The following RAI14 variants were observed in gnomAD, a reference collection of about 807,000 sequenced individuals.
RAI14 encodes the protein retinoic acid induced 14, also known as ankycorbin.
RAI14 carries 45 observed loss-of-function variants against 115.4 expected under a neutral mutation model. That is an observed-to-expected ratio of 0.39 (90% confidence interval 0.31 to 0.50). The LOEUF is 0.50. Ranked by LOEUF, RAI14 falls within the 20% of genes least tolerant of loss-of-function variation. The pLI is 0.85. For missense variants in RAI14, 939 were observed against 1,131.2 expected (o/e 0.83, Z 2.44); for synonymous variants, 371 against 415.4 (o/e 0.89, Z 1.30).
chr5:34,799,948 A>G (rs1056314224), intron 4 of RAI14, among the ~76,000 whole-genome samples: 1 of 152,186 alleles, frequency 6.6e-6, no homozygotes, highest in Non-Finnish European at 1.5e-5. Context: ...CGGCCTCCCA[A>G]AGAGCTGGGA....
At chr5:34,717,690 C>T (rs1396854601) in intron 2 of RAI14, among the ~76,000 whole-genome samples, 1 of 152,110 alleles carries the variant, frequency 6.6e-6, no homozygotes, top group Non-Finnish European at 1.5e-5. Context: ...CACCCATGCC[C>T]GTCTTTTGCT....
At chr5:34,745,429 C>T (rs1268795016) in intron 2 of RAI14, among the ~76,000 whole-genome samples, 1 of 152,112 alleles carries the variant, frequency 6.6e-6, no homozygotes, top group African/African-American at 2.4e-5. Flanking sequence ...AGGATTTTTC[C>T]TTTCTGCCAT....
At position 34,826,380 on chromosome 5, in the gene RAI14, C is replaced by G; in HGVS notation, c.2700C>G (p.Ser900Arg). 1 of 1,614,078 alleles carries G rather than the reference C, an allele frequency of 6.2e-7. No homozygotes were observed. Among genetic ancestry groups the G allele is most frequent in the Non-Finnish European group, 8.5e-7 (1 of 1,179,976 alleles). ...CCAAATTGAAGGAGGCCTTGAACAG[C>G]CTCTCCCAGCTCTCCTACTCAACAA... Reference protein sequence around the residue: ...EVTKLKEALNSLSQLSYSTSS... With the variant: ...EVTKLKEALNRLSQLSYSTSS... Residue 900 changes from serine (S) to arginine (R), a missense_variant, in exon 16 of 18, where the codon AGC becomes AGG. Coordinates refer to ENST00000265109, the MANE Select transcript of RAI14 (RefSeq NM_015577.3).
chr5:34,743,240 G>A (rs1015339488), intron 2 of RAI14, among the ~76,000 whole-genome samples: 1 of 152,198 alleles, frequency 6.6e-6, no homozygotes, highest in Admixed American at 6.5e-5. Context: ...TAAGACATCA[G>A]CAGGGTTGGT....
At chr5:34,662,721 A>T (rs948596409) in intron 1 of RAI14, among the ~76,000 whole-genome samples, 18 of 91,886 alleles carry the variant, frequency 2.0e-4, no homozygotes, top group East Asian at 3.4e-4. Context: ...ATTTAAACAG[A>T]TTTTTTTTTT....
intron 1 of RAI14, among the ~76,000 whole-genome samples, chr5:34,683,099 C>CA (rs1744505679): frequency 6.6e-6 from 1 of 152,176 alleles, no homozygotes; most frequent in East Asian, 1.9e-4. Flanking sequence ...TTCCAGGGGC[C>CA]ACATTACTTT....
rs1579990691 is a variant in RAI14 at position 34,712,087 on chromosome 5, C to A, written c.36+25132C>A. Among the ~76,000 whole-genome samples, 3 of 152,152 alleles carry A rather than the reference C, an allele frequency of 2.0e-5. No individual in the cohort carries two copies. The South Asian group carries it at 6.2e-4, about 32-fold the overall frequency. On this transcript the variant is annotated intron_variant, in intron 2 of 17. Transcript: ENST00000265109. ...GGCTATCATGCCAGCTCTGGGCTGA[C>A]TCCTCTAAGCCTCTCTTTATTTGTG...
chr5:34,781,586 A>AATTT (rs1451584635), intron 3 of RAI14, among the ~76,000 whole-genome samples: 2 of 152,188 alleles, frequency 1.3e-5, no homozygotes, highest in Non-Finnish European at 2.9e-5. Context: ...ATTTTGCAGA[A>AATTT]GATAATAAGG....
chr5:34,663,082 A>G (rs1314749047), intron 1 of RAI14, among the ~76,000 whole-genome samples: 1 of 152,194 alleles, frequency 6.6e-6, no homozygotes, highest in South Asian at 2.1e-4. Context: ...TGAAAAGTAC[A>G]GGTGGTTCAA....
chr5:34,724,171 C>A (rs2150004147), intron 2 of RAI14, among the ~76,000 whole-genome samples: 1 of 152,270 alleles, frequency 6.6e-6, no homozygotes, highest in Admixed American at 6.5e-5. Context: ...CATGCACTAC[C>A]ACATCCAGCT....
Position 34,821,787 on chromosome 5 carries a change from T to C in RAI14, c.1050T>C (p.Ser350=), listed in dbSNP as rs770846762. ...AAGCTGACCAACAAGATCTTCTCTC[T>C]CTATTGCAAGCAAAAGTTGCTTCCC... The part of the protein sequence containing the change: ...SSEADQQDLL[S]LLQAKVASLT... The change falls in exon 14 of 18, where the codon TCT becomes TCC. Residue 350 remains serine, a synonymous_variant. Transcript: ENST00000265109. 1.1e-5 allele frequency: 18 copies of C among 1,612,938 alleles called. No homozygotes were observed. The highest frequency in any genetic ancestry group is 2.2e-5 in the East Asian group (1 of 44,766).
intron 2 of RAI14, chr5:34,687,517 A>G (rs1240469970): frequency 7.3e-7 from 1 of 1,373,284 alleles, no homozygotes; most frequent in Non-Finnish European, 9.5e-7. Context: ...GGAAGCAGTT[A>G]TGATGTCAGA....
intron 12 of RAI14, among the ~76,000 whole-genome samples, chr5:34,817,332 C>T (rs999321052): frequency 6.7e-6 from 1 of 149,078 alleles, no homozygotes; most frequent in Non-Finnish European, 1.5e-5. Context: ...TTTAAAAAGA[C>T]TGATACTACC....
At chr5:34,796,916 G>A (rs948559927) in intron 4 of RAI14, among the ~76,000 whole-genome samples, 3 of 152,190 alleles carry the variant, frequency 2.0e-5, no homozygotes, top group Non-Finnish European at 4.4e-5. Context: ...TCTGGAAGTT[G>A]CCAGTCAACT....
intron 3 of RAI14, among the ~76,000 whole-genome samples, chr5:34,763,119 AT>A (rs1748900436): frequency 6.6e-6 from 1 of 152,154 alleles, no homozygotes; most frequent in Non-Finnish European, 1.5e-5. Flanking sequence ...AACTTTAGAA[AT>A]CACTATAATA....
At chr5:34,723,242 G>T (rs1053680004) in intron 2 of RAI14, among the ~76,000 whole-genome samples, 3 of 151,890 alleles carry the variant, frequency 2.0e-5, no homozygotes, top group Non-Finnish European at 4.4e-5. Flanking sequence ...GTGTATATAG[G>T]ATGTTTATTT....
At chr5:34,683,536 A>C (rs1744544096) in intron 1 of RAI14, among the ~76,000 whole-genome samples, 1 of 152,146 alleles carries the variant, frequency 6.6e-6, no homozygotes, top group Non-Finnish European at 1.5e-5. Flanking sequence ...CTGTTGCCTA[A>C]GACTTTGTGC....
In RAI14 at chr5:34,752,968, C is replaced by G. The variant is rs192875866; in HGVS notation, c.37-4500C>G. ...TTTTATATCAGTCAGGATACACATA[C>G]ATGTAATAAATAAAAGCTTCATAAG... On this transcript the variant is annotated intron_variant, in intron 2 of 17. Transcript: ENST00000265109. Among the ~76,000 whole-genome samples the G allele has an allele frequency of 5.5e-4, 84 of 151,908 alleles. No individual in the cohort carries two copies. In the East Asian group the frequency reaches 0.015, roughly 27 times the overall value.
At chr5:34,754,113 G>A (rs1016619257) in intron 2 of RAI14, among the ~76,000 whole-genome samples, 1 of 151,958 alleles carries the variant, frequency 6.6e-6, no homozygotes, top group Non-Finnish European at 1.5e-5. Context: ...TATGGCACTG[G>A]ATAGAATAGT....
Sources: gnomAD v4.1 joint callset for allele counts (sites outside exome capture counted in the v4.1 genomes callset) on GRCh38, gnomAD v4.1.1 for gene constraint, MANE v1.5 for transcripts, NCBI Gene and HGNC (gene_info 2026-07-23, HGNC 2026-07-21) for gene names.